The following SPATA13 variants were observed in gnomAD, a reference collection of about 807,000 sequenced individuals.
SPATA13 encodes the protein spermatogenesis associated 13, also known as spermatogenesis-associated protein 13.
Under a neutral mutation model 104.0 loss-of-function variants are expected in SPATA13, and 50 were observed. The observed-to-expected ratio is 0.48, with a 90% CI of 0.38 to 0.61. The LOEUF is 0.61. Among genes scored for constraint, SPATA13 ranks in the 20% least tolerant of loss-of-function variants. SPATA13 has a pLI of 0.00. For synonymous variants in SPATA13, 606 were observed against 667.5 expected (o/e 0.91, Z 1.42); for missense variants, 1,524 against 1,690.6 (o/e 0.90, Z 1.73).
chr13:24,080,376 A>G (rs974496066), intron 3 of SPATA13, among the ~76,000 whole-genome samples: 2 of 152,274 alleles, frequency 1.3e-5, no homozygotes, highest in Admixed American at 1.3e-4. Flanking sequence ...ACGACTTACT[A>G]GAAATGAGAA....
At chr13:24,102,820 T>G (rs917533205) in intron 3 of SPATA13, among the ~76,000 whole-genome samples, 4 of 152,206 alleles carry the variant, frequency 2.6e-5, no homozygotes, top group African/African-American at 9.6e-5. Context: ...TTAGTTTATT[T>G]TTGCTTTTGT....
intron 2 of SPATA13, among the ~76,000 whole-genome samples, chr13:24,244,940 ATGACTTGGGTC>A (rs1348734714): frequency 2.0e-5 from 3 of 152,246 alleles, no homozygotes; most frequent in African/African-American, 7.2e-5. Context: ...ACAGAGGTTT[ATGACTTGGGTC>A]TGAATTGCCC....
chr13:24,012,168 T>C (rs7337840), intron 2 of SPATA13, among the ~76,000 whole-genome samples: 40,076 of 152,178 alleles, frequency 0.26, 5,415 homozygotes, highest in Admixed American at 0.28. Flanking sequence ...CCTGCAGAGG[T>C]ATCAGTCTCT....
intron 1 of SPATA13, among the ~76,000 whole-genome samples, chr13:24,216,587 C>T (rs766272154): frequency 3.0e-4 from 45 of 152,226 alleles, no homozygotes; most frequent in Non-Finnish European, 5.4e-4. Flanking sequence ...CTTACCTACT[C>T]CTTACACAGA....
chr13:24,269,358 A>C (rs1416514026), intron 4 of SPATA13, among the ~76,000 whole-genome samples: 1 of 150,974 alleles, frequency 6.6e-6, no homozygotes, highest in Non-Finnish European at 1.5e-5. Context: ...CTTGTTTAAC[A>C]TGTATGTATG....
At chr13:24,025,235 G>T (rs1877159001) in intron 3 of SPATA13, among the ~76,000 whole-genome samples, 1 of 151,704 alleles carries the variant, frequency 6.6e-6, no homozygotes, top group African/African-American at 2.4e-5. Context: ...AAATTTGTAT[G>T]CATTCTCCTT....
At chr13:24,135,566 C>T (rs1346036185) in intron 3 of SPATA13, among the ~76,000 whole-genome samples, 1 of 151,906 alleles carries the variant, frequency 6.6e-6, no homozygotes, top group Non-Finnish European at 1.5e-5. Context: ...GGCATGGTGG[C>T]AGGCGCCTGT....
chr13:24,053,072 C>T (rs1252446788), intron 3 of SPATA13, among the ~76,000 whole-genome samples: 1 of 151,476 alleles, frequency 6.6e-6, no homozygotes, highest in Non-Finnish European at 1.5e-5. Flanking sequence ...TGTTTTGTTT[C>T]AATTTTCTGA....
At chr13:24,158,938 C>T (rs948549670), upstream of SPATA13, among the ~76,000 whole-genome samples, 1 of 152,158 alleles carries the variant, frequency 6.6e-6, no homozygotes, top group African/African-American at 2.4e-5. Flanking sequence ...GCCTGTTTCC[C>T]AAGGACATAG....
intron 2 of SPATA13, chr13:24,017,538 G>A (rs1876773731): frequency 4.9e-6 from 1 of 203,528 alleles, no homozygotes; most frequent in African/African-American, 2.4e-5. Context: ...ACACACATAT[G>A]TATATATACA....
At chr13:24,150,018 G>A (rs924468931) in intron 3 of SPATA13, among the ~76,000 whole-genome samples, 4 of 152,062 alleles carry the variant, frequency 2.6e-5, no homozygotes, top group Non-Finnish European at 4.4e-5. Flanking sequence ...TGGGAGAGTC[G>A]GGGGACTGTC....
intron 2 of SPATA13, among the ~76,000 whole-genome samples, chr13:24,016,300 C>T (rs1040997842): frequency 6.6e-5 from 10 of 152,204 alleles, no homozygotes; most frequent in South Asian, 2.1e-4. Flanking sequence ...GAAGCAGCTG[C>T]GGCTCTTCCT....
intron 4 of SPATA13, among the ~76,000 whole-genome samples, chr13:24,279,152 G>A (rs1039237820): frequency 4.6e-5 from 7 of 152,158 alleles, no homozygotes; most frequent in Non-Finnish European, 8.8e-5. Context: ...CTAAACCAGG[G>A]GAGACAGTGG....
intron 3 of SPATA13, among the ~76,000 whole-genome samples, chr13:24,096,596 A>T (rs1880093811): frequency 6.6e-6 from 1 of 152,210 alleles, no homozygotes; most frequent in South Asian, 2.1e-4. Context: ...GTCTAAAAAA[A>T]ATAATAATAA....
intron 3 of SPATA13, among the ~76,000 whole-genome samples, chr13:24,094,247 T>G (rs1879998943): frequency 6.6e-6 from 1 of 152,232 alleles, no homozygotes; most frequent in Non-Finnish European, 1.5e-5. Flanking sequence ...CTGAGGACTT[T>G]GGCGAGAACA....
chr13:24,210,595 C>T (rs1013049358), intron 1 of SPATA13, among the ~76,000 whole-genome samples: 3 of 151,986 alleles, frequency 2.0e-5, no homozygotes, highest in African/African-American at 7.3e-5. Context: ...GCTTCATATT[C>T]TATTCTGTTG....
At chr13:24,284,423 G>A (rs1404964525) in intron 5 of SPATA13, 152 bp downstream of exon 5, 12 of 882,078 alleles carry the variant, frequency 1.4e-5, no homozygotes, top group Non-Finnish European at 6.6e-6. Flanking sequence ...CACTTTGGAA[G>A]GCCAAGGCAG....
chr13:24,112,337 C>A (rs376204088), intron 3 of SPATA13, among the ~76,000 whole-genome samples: 4,526 of 152,122 alleles, frequency 0.03, 208 homozygotes, highest in African/African-American at 0.1. Flanking sequence ...GCTCTTGTTG[C>A]CCCTACAGCA....
At chr13:23,990,894 C>T (rs946104306) in intron 2 of SPATA13, among the ~76,000 whole-genome samples, 1 of 152,196 alleles carries the variant, frequency 6.6e-6, no homozygotes, top group Non-Finnish European at 1.5e-5. Context: ...CATTCAGAGT[C>T]TTGGGATGAG....
Sources: allele counts gnomAD v4.1 joint callset (sites outside exome capture counted in the v4.1 genomes callset), GRCh38; gene constraint gnomAD v4.1.1; transcripts MANE v1.5; gene names NCBI Gene and HGNC (gene_info 2026-07-23, HGNC 2026-07-21).